The following SUMF1 variants were observed in gnomAD, a reference collection of about 807,000 sequenced individuals.
SUMF1 encodes the protein formylglycine-generating enzyme.
SUMF1 carries 48 observed loss-of-function variants against 47.6 expected under a neutral mutation model. The observed-to-expected ratio is 1.01, with a 90% CI of 0.80 to 1.28. The LOEUF (loss-of-function observed/expected upper bound fraction) is 1.28. Among genes scored for constraint, SUMF1 ranks in the 50% most tolerant of loss-of-function variants. The pLI, the probability that SUMF1 is intolerant of heterozygous loss-of-function variation, is 0.00. For missense variants in SUMF1, 571 were observed against 485.4 expected (o/e 1.18, Z -1.66); for synonymous variants, 230 against 192.1 (o/e 1.20, Z -1.63).
At chr3:4,171,776 A>G (rs960124735) in intron 8 of SUMF1, among the ~76,000 whole-genome samples, 3 of 152,170 alleles carry the variant, frequency 2.0e-5, no homozygotes, top group African/African-American at 7.2e-5. Context: ...TGCTACACAC[A>G]GGAACAGCAT....
intron 7 of SUMF1, among the ~76,000 whole-genome samples, chr3:4,401,240 G>A (rs984607369): frequency 1.3e-5 from 2 of 152,078 alleles, no homozygotes; most frequent in African/African-American, 4.8e-5. Context: ...TTGGTTCCAA[G>A]TCTTTGCTCT....
At chr3:4,449,621 T>A (rs1702902570) in intron 2 of SUMF1, among the ~76,000 whole-genome samples, 1 of 152,192 alleles carries the variant, frequency 6.6e-6, no homozygotes, top group Non-Finnish European at 1.5e-5. Flanking sequence ...TTGAAGGAAA[T>A]ACATTTCCCC....
At chr3:4,411,728 A>T (rs1483323475) in intron 6 of SUMF1, among the ~76,000 whole-genome samples, 1 of 149,080 alleles carries the variant, frequency 6.7e-6, no homozygotes, top group Non-Finnish European at 1.5e-5. Flanking sequence ...AAAAAACTTT[A>T]ACTGAACAAT....
At chr3:4,395,733 A>T (rs558389003) in intron 7 of SUMF1, among the ~76,000 whole-genome samples, 39 of 152,322 alleles carry the variant, frequency 2.6e-4, no homozygotes, top group African/African-American at 9.1e-4. Context: ...ATTGTATTAC[A>T]CTTGCTTATA....
chr3:4,109,114 G>T (rs1281634545), intron 8 of SUMF1, among the ~76,000 whole-genome samples: 10 of 152,044 alleles, frequency 6.6e-5, no homozygotes, highest in Non-Finnish European at 1.0e-4. Context: ...TTTTAGGGCA[G>T]GCCTGGTGGT....
intron 8 of SUMF1, among the ~76,000 whole-genome samples, chr3:4,134,202 G>T (rs1693864003): frequency 6.6e-6 from 1 of 152,008 alleles, no homozygotes; most frequent in African/African-American, 2.4e-5. Context: ...TTCCAAAATT[G>T]ACCACATAGT....
intron 4 of SUMF1, among the ~76,000 whole-genome samples, chr3:4,419,061 G>A (rs1279439714): frequency 2.6e-5 from 4 of 152,178 alleles, no homozygotes; most frequent in Non-Finnish European, 5.9e-5. Flanking sequence ...TTCCAGCACA[G>A]ACAACAGAGG....
At chr3:4,161,755 G>A (rs957499848) in intron 8 of SUMF1, among the ~76,000 whole-genome samples, 1 of 152,062 alleles carries the variant, frequency 6.6e-6, no homozygotes, top group African/African-American at 2.4e-5. Context: ...CCAAGACCTA[G>A]AATCAGGGAC....
At chr3:4,399,125 G>A (rs1221158650) in intron 7 of SUMF1, among the ~76,000 whole-genome samples, 1 of 152,140 alleles carries the variant, frequency 6.6e-6, no homozygotes, top group Non-Finnish European at 1.5e-5. Flanking sequence ...AAACGCATGC[G>A]TGAACACTTC....
chr3:4,055,560 G>A (rs965879685), intron 9 of SUMF1, among the ~76,000 whole-genome samples: 2 of 152,074 alleles, frequency 1.3e-5, no homozygotes, highest in Non-Finnish European at 2.9e-5. Context: ...ATAGCTCACT[G>A]TAATCTTGAA....
At chr3:4,152,434 C>A (rs1170679729) in intron 8 of SUMF1, among the ~76,000 whole-genome samples, 3 of 151,170 alleles carry the variant, frequency 2.0e-5, no homozygotes, top group Non-Finnish European at 4.4e-5. Flanking sequence ...ACTACAGGCA[C>A]AGGCCCCAAC....
At chr3:4,166,767 C>T (rs757171606) in intron 8 of SUMF1, among the ~76,000 whole-genome samples, 3 of 152,002 alleles carry the variant, frequency 2.0e-5, no homozygotes, top group Admixed American at 6.5e-5. Context: ...AACTTTTTTT[C>T]GGGACCCGAG....
chr3:4,121,102 G>C (rs1054863415), intron 8 of SUMF1, among the ~76,000 whole-genome samples: 1 of 152,076 alleles, frequency 6.6e-6, no homozygotes, highest in African/African-American at 2.4e-5. Context: ...CTGTGACCCT[G>C]GGCTAATCAC....
intron 3 of SUMF1, among the ~76,000 whole-genome samples, chr3:4,434,780 C>T (rs1702343596): frequency 6.6e-6 from 1 of 152,082 alleles, no homozygotes; most frequent in African/African-American, 2.4e-5. Context: ...ACAAAACTTA[C>T]AGTCTGTTCC....
chr3:4,319,493 G>A (rs897710863), intron 8 of SUMF1, among the ~76,000 whole-genome samples: 29 of 152,190 alleles, frequency 1.9e-4, no homozygotes, highest in Non-Finnish European at 3.8e-4. Flanking sequence ...TTATTTCGAT[G>A]TGGTGATCTG....
chr3:4,367,939 G>C (rs1025763547), intron 8 of SUMF1, among the ~76,000 whole-genome samples: 1 of 152,024 alleles, frequency 6.6e-6, no homozygotes, highest in African/African-American at 2.4e-5. Context: ...AGGACTTCAT[G>C]TCTAAAACAC....
chr3:4,185,410 G>A (rs1695180738), intron 8 of SUMF1, among the ~76,000 whole-genome samples: 1 of 152,066 alleles, frequency 6.6e-6, no homozygotes, highest in South Asian at 2.1e-4. Flanking sequence ...TAAGATGTTG[G>A]TGAATTATTT....
intron 8 of SUMF1, among the ~76,000 whole-genome samples, chr3:4,196,952 C>A (rs1045154087): frequency 6.6e-6 from 1 of 152,114 alleles, no homozygotes; most frequent in African/African-American, 2.4e-5. Context: ...GGATGACAAA[C>A]CTTACCAGGG....
chr3:4,165,616 T>C (rs951349947), intron 8 of SUMF1, among the ~76,000 whole-genome samples: 3 of 152,104 alleles, frequency 2.0e-5, no homozygotes, highest in Non-Finnish European at 4.4e-5. Flanking sequence ...CCTTCCCTCT[T>C]ACAGAAAAGG....
Sources: allele counts gnomAD v4.1 joint callset (sites outside exome capture counted in the v4.1 genomes callset), GRCh38; gene constraint gnomAD v4.1.1; transcripts MANE v1.5; gene names NCBI Gene and HGNC (gene_info 2026-07-23, HGNC 2026-07-21).